ZNF385D: variants seen among roughly 807,000 people sequenced by gnomAD.
The protein encoded by ZNF385D is zinc finger protein 385D.
Under a neutral mutation model 35.8 loss-of-function variants are expected in ZNF385D, and 15 were observed. The ratio of observed to expected loss-of-function variants is 0.42; its 90% CI spans 0.28 to 0.64. The LOEUF is 0.64. Among genes scored for constraint, ZNF385D ranks in the 30% least tolerant of loss-of-function variants. The probability of loss-of-function intolerance (pLI) is 0.23; values close to 1 mark genes in which losing one functional copy is unlikely to be tolerated. For synonymous variants in ZNF385D, 212 were observed against 186.8 expected (o/e 1.13, Z -1.10); for missense variants, 474 against 494.6 (o/e 0.96, Z 0.39).
At chr3:22,048,986 A>G (rs370833301) in intron 3 of ZNF385D, among the ~76,000 whole-genome samples, 9 of 152,118 alleles carry the variant, frequency 5.9e-5, no homozygotes, top group East Asian at 3.9e-4. Flanking sequence ...TGGATAGTTC[A>G]TTGTTAGTGT....
chr3:21,954,049 TA>T (rs1163716700), intron 3 of ZNF385D, among the ~76,000 whole-genome samples: 3 of 152,000 alleles, frequency 2.0e-5, no homozygotes, highest in Non-Finnish European at 4.4e-5. Flanking sequence ...TATTTTAAGG[TA>T]AAAAGTCAGA....
intron 4 of ZNF385D, among the ~76,000 whole-genome samples, chr3:21,442,916 T>TGTGTGTG (rs386355788): frequency 2.0e-5 from 3 of 149,982 alleles, no homozygotes; most frequent in Non-Finnish European, 3.0e-5. Flanking sequence ...TGTGTGTGTG[T>TGTGTGTG]TGAGAGGTTG....
intron 3 of ZNF385D, among the ~76,000 whole-genome samples, chr3:21,896,373 A>T (rs748376858): frequency 6.6e-6 from 1 of 151,684 alleles, no homozygotes; most frequent in Non-Finnish European, 1.5e-5. Flanking sequence ...AACTTCCTAA[A>T]GGTAAATGAA....
chr3:22,031,216 A>T (rs949128570), intron 3 of ZNF385D, among the ~76,000 whole-genome samples: 1 of 152,214 alleles, frequency 6.6e-6, no homozygotes, highest in East Asian at 1.9e-4. Context: ...GAAGAATGGT[A>T]GCCCTTTTCT....
chr3:22,227,135 A>G (rs1698606995), intron 2 of ZNF385D, among the ~76,000 whole-genome samples: 1 of 151,696 alleles, frequency 6.6e-6, no homozygotes, highest in African/African-American at 2.4e-5. Flanking sequence ...ATGATTATAT[A>G]ACATAATATT....
At chr3:21,992,525 T>C (rs1695211206) in intron 3 of ZNF385D, among the ~76,000 whole-genome samples, 1 of 152,162 alleles carries the variant, frequency 6.6e-6, no homozygotes, top group African/African-American at 2.4e-5. Context: ...TTAAATGTTA[T>C]CCTAATTAAC....
At chr3:22,182,893 T>A (rs1695378662) in intron 2 of ZNF385D, among the ~76,000 whole-genome samples, 1 of 151,832 alleles carries the variant, frequency 6.6e-6, no homozygotes, top group Admixed American at 6.6e-5. Flanking sequence ...TTTGTTATAT[T>A]TATATTTTGC....
intron 3 of ZNF385D, among the ~76,000 whole-genome samples, chr3:21,967,290 A>T (rs890835970): frequency 1.3e-5 from 2 of 151,934 alleles, no homozygotes; most frequent in African/African-American, 2.4e-5. Context: ...AATTAAGAAA[A>T]TTTTTTCCCC....
intron 4 of ZNF385D, among the ~76,000 whole-genome samples, chr3:21,466,850 G>T (rs1411537277): frequency 6.6e-6 from 1 of 152,180 alleles, no homozygotes; most frequent in East Asian, 1.9e-4. Context: ...GAACTTAGGA[G>T]AGTATCTATT....
intron 7 of ZNF385D, among the ~76,000 whole-genome samples, chr3:21,422,027 T>C (rs1700763109): frequency 6.6e-6 from 1 of 152,254 alleles, no homozygotes; most frequent in African/African-American, 2.4e-5. Context: ...ATGCAAATGG[T>C]AACCACATTT....
At chr3:21,743,218 G>C (rs2069602892) in intron 1 of ZNF385D, among the ~76,000 whole-genome samples, 1 of 152,328 alleles carries the variant, frequency 6.6e-6, no homozygotes, top group Non-Finnish European at 1.5e-5. Context: ...ACAAATGGTA[G>C]AGATGGGGTC....
At chr3:21,872,160 A>G (rs1444051188) in intron 3 of ZNF385D, among the ~76,000 whole-genome samples, 1 of 152,192 alleles carries the variant, frequency 6.6e-6, no homozygotes, top group Non-Finnish European at 1.5e-5. Context: ...CAGATCATTT[A>G]TAAGTTAAAA....
chr3:21,738,265 T>C lies in ZNF385D; in HGVS notation c.22+12630A>G, dbSNP rs145613965. Among the ~76,000 whole-genome samples, 121 of 152,354 alleles carry C rather than the reference T, an allele frequency of 7.9e-4. 1 individual carries two copies. The highest frequency in any genetic ancestry group is 2.4e-3 in the African/African-American group (101 of 41,582). ...AGACTGGAATTTATTCAAGGTCACA[T>C]AGAAAGGTGTGGTGAGGAGGTCTGT... On this transcript the variant is annotated intron_variant, in intron 1 of 7. Transcript: ENST00000281523.
At chr3:21,953,877 A>G (rs557911594) in intron 3 of ZNF385D, among the ~76,000 whole-genome samples, 1 of 152,058 alleles carries the variant, frequency 6.6e-6, no homozygotes, top group Admixed American at 6.6e-5. Flanking sequence ...CACACACACA[A>G]TGAAGGCACA....
chr3:21,840,303 A>T (rs1208991747), intron 3 of ZNF385D, among the ~76,000 whole-genome samples: 1 of 152,096 alleles, frequency 6.6e-6, no homozygotes, highest in Non-Finnish European at 1.5e-5. Flanking sequence ...CAGACTTCAA[A>T]GACCTAAAAT....
chr3:22,060,461 T>G (rs755991324), intron 3 of ZNF385D, among the ~76,000 whole-genome samples: 5 of 152,214 alleles, frequency 3.3e-5, no homozygotes, highest in Non-Finnish European at 7.3e-5. Context: ...GGGACAGGAA[T>G]AGCATAGTGA....
At chr3:21,775,204 G>A (rs945703044) in intron 3 of ZNF385D, among the ~76,000 whole-genome samples, 1 of 151,798 alleles carries the variant, frequency 6.6e-6, no homozygotes, top group Non-Finnish European at 1.5e-5. Flanking sequence ...TGGGCTTTGA[G>A]TATCTTTTGC....
chr3:21,788,855 A>G (rs1053065315), intron 3 of ZNF385D, among the ~76,000 whole-genome samples: 2 of 152,202 alleles, frequency 1.3e-5, no homozygotes, highest in Non-Finnish European at 2.9e-5. Context: ...GCACTGGCCA[A>G]TGTGGCCAAT....
chr3:21,799,403 T>C (rs1249001993), intron 3 of ZNF385D, among the ~76,000 whole-genome samples: 15 of 152,198 alleles, frequency 9.9e-5, no homozygotes, highest in Admixed American at 9.8e-4. Context: ...AGCGTTCCAG[T>C]TTCTCTACAT....
Sources: allele counts gnomAD v4.1 joint callset (sites outside exome capture counted in the v4.1 genomes callset), GRCh38; gene constraint gnomAD v4.1.1; transcripts MANE v1.5; gene names NCBI Gene and HGNC (gene_info 2026-07-23, HGNC 2026-07-21).